Variants in AP3S1 observed in about 807,000 individuals in gnomAD.
AP3S1 encodes AP-3 complex subunit sigma-1.
AP3S1 carries 12 observed loss-of-function variants against 21.3 expected under a neutral mutation model. The ratio of observed to expected loss-of-function variants is 0.56; its 90% CI spans 0.36 to 0.91. The LOEUF (loss-of-function observed/expected upper bound fraction) is 0.91, where lower values mean the gene tolerates loss of function less well. Ranked by LOEUF, AP3S1 falls within the 40% of genes least tolerant of loss-of-function variation. AP3S1 has a pLI of 0.01. For synonymous variants in AP3S1, 48 were observed against 78.4 expected (o/e 0.61, Z 2.05); for missense variants, 116 against 225.0 (o/e 0.52, Z 3.10).
chr5:115,891,317 C>T (rs978965546), intron 3 of AP3S1, among the ~76,000 whole-genome samples: 1 of 152,108 alleles, frequency 6.6e-6, no homozygotes, highest in African/African-American at 2.4e-5. Flanking sequence ...CCCCCACACA[C>T]CAAGCAGTTC....
intron 3 of AP3S1, among the ~76,000 whole-genome samples, chr5:115,886,109 T>C (rs941247853): frequency 1.3e-5 from 2 of 152,206 alleles, no homozygotes; most frequent in Non-Finnish European, 2.9e-5. Context: ...TGGTTAACCT[T>C]TTGCTTTAGA....
chr5:115,883,203 G>A (rs767784309), intron 3 of AP3S1, among the ~76,000 whole-genome samples: 3 of 152,176 alleles, frequency 2.0e-5, no homozygotes, highest in Non-Finnish European at 4.4e-5. Flanking sequence ...CCCTTTCCAG[G>A]GGAGTGAACG....
At chr5:115,848,226 T>A (rs1762197255) in intron 1 of AP3S1, among the ~76,000 whole-genome samples, 1 of 151,810 alleles carries the variant, frequency 6.6e-6, no homozygotes, top group African/African-American at 2.4e-5. Flanking sequence ...TTAAGGCCAC[T>A]AAGGTCATTC....
intron 4 of AP3S1, among the ~76,000 whole-genome samples, chr5:115,899,194 C>T (rs1751008976): frequency 1.3e-5 from 2 of 152,174 alleles, no homozygotes; most frequent in Admixed American, 6.5e-5. Flanking sequence ...TTCTTCCAAC[C>T]TGGTCCCTCT....
chr5:115,850,809 GA>G (rs1762386671), intron 1 of AP3S1, among the ~76,000 whole-genome samples: 1 of 152,152 alleles, frequency 6.6e-6, no homozygotes, highest in Non-Finnish European at 1.5e-5. Context: ...GCCAAAATGA[GA>G]ACAGTTGCCT....
intron 5 of AP3S1, chr5:115,906,984 A>G: frequency 1.6e-6 from 2 of 1,260,318 alleles, no homozygotes; most frequent in Non-Finnish European, 2.0e-6. Flanking sequence ...TAGTCCCTGT[A>G]GCCTATTTTC....
chr5:115,909,322 A>G (rs147877430), intron 5 of AP3S1, among the ~76,000 whole-genome samples: 26 of 152,320 alleles, frequency 1.7e-4, no homozygotes, highest in African/African-American at 6.0e-4. Flanking sequence ...AACAAAATCA[A>G]AAACAAATCA....
intron 1 of AP3S1, among the ~76,000 whole-genome samples, chr5:115,844,318 T>A (rs1691557620): frequency 6.6e-6 from 1 of 151,864 alleles, no homozygotes; most frequent in Admixed American, 6.6e-5. Context: ...TATTAAGGAG[T>A]AGGCTGTATT....
At chr5:115,867,955 G>T (rs1490963320) in intron 2 of AP3S1, among the ~76,000 whole-genome samples, 1 of 152,102 alleles carries the variant, frequency 6.6e-6, no homozygotes, top group Admixed American at 6.6e-5. Context: ...CAGAGATGAG[G>T]CCTCACATCT....
chr5:115,856,276 A>G (rs893960939), intron 1 of AP3S1, among the ~76,000 whole-genome samples: 3 of 152,152 alleles, frequency 2.0e-5, no homozygotes, highest in Admixed American at 1.3e-4. Flanking sequence ...TGGATGTTTG[A>G]TTAAAATTTT....
chr5:115,856,069 A>T (rs977863993), intron 1 of AP3S1, among the ~76,000 whole-genome samples: 3 of 152,194 alleles, frequency 2.0e-5, no homozygotes, highest in African/African-American at 4.8e-5. Flanking sequence ...TTGTAACTGT[A>T]GTTGTCTTTA....
At chr5:115,866,141 A>G (rs1454616909) in intron 1 of AP3S1, among the ~76,000 whole-genome samples, 1 of 152,170 alleles carries the variant, frequency 6.6e-6, no homozygotes, top group East Asian at 1.9e-4. Flanking sequence ...GTCCAGGTTA[A>G]TAAATGTTTA....
At chr5:115,871,914 G>A (rs73780680) in intron 3 of AP3S1, among the ~76,000 whole-genome samples, 7,951 of 152,230 alleles carry the variant, frequency 0.052, 236 homozygotes, top group African/African-American at 0.087. Flanking sequence ...TAGCAAGAAG[G>A]TGGCATGGTT....
intron 3 of AP3S1, among the ~76,000 whole-genome samples, chr5:115,888,323 C>T (rs768634183): frequency 1.1e-4 from 17 of 152,002 alleles, no homozygotes; most frequent in Non-Finnish European, 2.2e-4. Flanking sequence ...TTAGAACCAT[C>T]GAGACTCTAA....
chr5:115,866,841 A>C (rs1321309425), intron 2 of AP3S1, 80 bp downstream of exon 2: 1 of 857,424 alleles, frequency 1.2e-6, no homozygotes, highest in Non-Finnish European at 1.6e-6. Context: ...TTTATGGTAA[A>C]AGTTTTCTAC....
At chr5:115,907,961 T>G (rs766227962) in intron 5 of AP3S1, among the ~76,000 whole-genome samples, 3 of 152,138 alleles carry the variant, frequency 2.0e-5, no homozygotes, top group Non-Finnish European at 4.4e-5. Context: ...ATGTATAAAC[T>G]TACGAAGTTA....
rs188699171 is a variant in AP3S1, at chr5:115,899,214, G to A, written c.346-3671G>A. On this transcript the variant is annotated intron_variant, in intron 4 of 5. Transcript: ENST00000316788. ...CCAACCTGGTCCCTCTTGAGGATTT[G>A]GACAGCCTGGTCTTTAACCACAGGC... Among the ~76,000 whole-genome samples, 111 of 152,220 alleles carry A rather than the reference G, an allele frequency of 7.3e-4. 1 individual carries two copies. The highest frequency in any genetic ancestry group is 2.4e-3 in the African/African-American group (100 of 41,544).
At chr5:115,843,890 C>T (rs1761853451) in intron 1 of AP3S1, among the ~76,000 whole-genome samples, 1 of 152,170 alleles carries the variant, frequency 6.6e-6, no homozygotes, top group Non-Finnish European at 1.5e-5. Flanking sequence ...GTAGCAGTGA[C>T]GGTTAATGTG....
At chr5:115,860,437 C>T (rs1763091168) in intron 1 of AP3S1, among the ~76,000 whole-genome samples, 1 of 152,178 alleles carries the variant, frequency 6.6e-6, no homozygotes. Context: ...CGAAGACCCT[C>T]CCTTTGATCT....
Sources: allele counts gnomAD v4.1 joint callset (sites outside exome capture counted in the v4.1 genomes callset), GRCh38; gene constraint gnomAD v4.1.1; transcripts MANE v1.5; gene names NCBI Gene and HGNC (gene_info 2026-07-23, HGNC 2026-07-21).